The following CIT variants were observed in gnomAD, a reference collection of about 807,000 sequenced individuals.
The protein encoded by CIT is citron rho-interacting serine/threonine kinase.
In CIT, 79 loss-of-function variants were observed where a neutral mutation model predicts 272.7. That is an observed-to-expected ratio of 0.29 (90% CI 0.24 to 0.35). The LOEUF (loss-of-function observed/expected upper bound fraction) is 0.35. Among genes scored for constraint, CIT ranks in the 10% least tolerant of loss-of-function variants. The pLI is 1.00. For synonymous variants in CIT, 948 were observed against 995.6 expected, an observed-to-expected ratio of 0.95 and a Z score of 0.90; for missense variants, 1,909 against 2,618.3, an observed-to-expected ratio of 0.73 and a Z score of 5.91.
chr12:119,807,440 G>A (rs984728738), intron 9 of CIT, among the ~76,000 whole-genome samples: 4 of 151,876 alleles, frequency 2.6e-5, no homozygotes, highest in African/African-American at 9.7e-5. Context: ...TATATAAAAT[G>A]TCTCTTTTTT....
chr12:119,845,811 G>A (rs773547779), intron 5 of CIT, among the ~76,000 whole-genome samples: 5 of 151,454 alleles, frequency 3.3e-5, no homozygotes, highest in South Asian at 2.1e-4. Flanking sequence ...TGAGCCGGGC[G>A]TGGTGTCACA....
chr12:119,861,233 C>T (rs1199092317), intron 3 of CIT, among the ~76,000 whole-genome samples: 1 of 152,120 alleles, frequency 6.6e-6, no homozygotes, highest in Non-Finnish European at 1.5e-5. Context: ...TCTAAGGGCC[C>T]AGTGGGCACT....
chr12:119,828,134 CT>C (rs766954855), intron 7 of CIT, among the ~76,000 whole-genome samples: 10 of 152,258 alleles, frequency 6.6e-5, no homozygotes, highest in East Asian at 5.8e-4. Flanking sequence ...TTTTTGCCCC[CT>C]AACAGATACA....
chr12:119,812,149 T>C (rs1966853643), intron 9 of CIT, among the ~76,000 whole-genome samples: 1 of 152,038 alleles, frequency 6.6e-6, no homozygotes, highest in Non-Finnish European at 1.5e-5. Flanking sequence ...GGTTTTACCA[T>C]GTTGGCCAGG....
Position 119,822,890 on chromosome 12 carries a change from CTCTT to C in CIT, c.1037_1040del (p.Lys346ArgfsTer3). The C allele has an allele frequency of 6.2e-7, 1 of 1,614,134 alleles. No homozygotes were observed. Among genetic ancestry groups the C allele is most frequent in the Non-Finnish European group, 8.5e-7 (1 of 1,180,024 alleles). ...AGCAAAGACCTTCAAACTTCAGTCT[CTCTT>C]TCTGGCCGCACAACAAGCTTTGAAT... On this transcript the variant is annotated frameshift_variant, in exon 9 of 48. Coordinates refer to ENST00000392521, the MANE Select transcript of CIT (RefSeq NM_001206999.2). LOFTEE classifies it high-confidence loss of function.
chr12:119,863,029 C>G (rs1158348760), intron 3 of CIT, among the ~76,000 whole-genome samples: 2 of 147,658 alleles, frequency 1.4e-5, no homozygotes, highest in Non-Finnish European at 3.0e-5. Flanking sequence ...ATGGTGAAAC[C>G]CTATCTCTAC....
chr12:119,771,592 T>C (rs1171305704), intron 17 of CIT, among the ~76,000 whole-genome samples: 1 of 152,022 alleles, frequency 6.6e-6, no homozygotes, highest in Non-Finnish European at 1.5e-5. Context: ...ACCTGAGCAT[T>C]ATGGAACCCC....
At chr12:119,691,307 A>T (rs563185060) in intron 46 of CIT, among the ~76,000 whole-genome samples, 1 of 152,178 alleles carries the variant, frequency 6.6e-6, no homozygotes, top group Non-Finnish European at 1.5e-5. Context: ...TAAGACCCAG[A>T]AGTCAGGGAC....
At chr12:119,745,858 G>C (rs1201836797) in intron 23 of CIT, among the ~76,000 whole-genome samples, 1 of 151,782 alleles carries the variant, frequency 6.6e-6, no homozygotes, top group African/African-American at 2.4e-5. Flanking sequence ...CAGAATCACA[G>C]ACAGATTTAT....
chr12:119,862,808 T>TAAAA (rs1157467178), intron 3 of CIT, among the ~76,000 whole-genome samples: 20 of 10,240 alleles, frequency 2.0e-3, no homozygotes, highest in African/African-American at 3.1e-3. Flanking sequence ...AGACTCTACC[T>TAAAA]AAAAAAAAAA....
intron 9 of CIT, among the ~76,000 whole-genome samples, chr12:119,812,850 A>T (rs549244975): frequency 6.6e-6 from 1 of 152,076 alleles, no homozygotes; most frequent in Admixed American, 6.6e-5. Context: ...ATAAAGAAGA[A>T]GGAGGTTATC....
chr12:119,733,034 A>G (rs1958552171), intron 26 of CIT, among the ~76,000 whole-genome samples: 4 of 152,208 alleles, frequency 2.6e-5, no homozygotes, highest in Admixed American at 2.6e-4. Flanking sequence ...TGAGCTGTGT[A>G]AAACTGTCAT....
In CIT at chr12:119,772,420, G is replaced by A. The variant is rs150176780; in HGVS notation, c.2082+350C>T. Reference sequence around the variant, plus strand: ...TGAAAATTAATATGCTATTAATATCGTGGAGGGGAAAGGCAAGGAAAAAAC... The same window carrying A: ...TGAAAATTAATATGCTATTAATATCATGGAGGGGAAAGGCAAGGAAAAAAC... On this transcript the variant is annotated intron_variant, in intron 17 of 47. Transcript: ENST00000392521. 1.2e-3 allele frequency among the ~76,000 whole-genome samples: 181 copies of A among 152,188 alleles called. 1 individual carries two copies. The South Asian group carries it at 0.021, about 18-fold the overall frequency.
At chr12:119,834,753 C>A (rs1228883733) in intron 5 of CIT, among the ~76,000 whole-genome samples, 4 of 152,158 alleles carry the variant, frequency 2.6e-5, no homozygotes, top group African/African-American at 9.7e-5. Context: ...CCACTTCTAA[C>A]AATTTACAGG....
chr12:119,727,773 T>C (rs1435521112), intron 28 of CIT, among the ~76,000 whole-genome samples: 1 of 151,860 alleles, frequency 6.6e-6, no homozygotes, highest in Non-Finnish European at 1.5e-5. Flanking sequence ...TACAAAACAA[T>C]ACAAAAATTA....
At chr12:119,775,729 G>A (rs960088214) in intron 16 of CIT, 57 bp downstream of exon 16, 3 of 1,346,286 alleles carry the variant, frequency 2.2e-6, no homozygotes, top group Admixed American at 1.7e-5. Context: ...ACAAGGCAAA[G>A]ATGTTTGGAA....
In CIT at chr12:119,752,152, G is replaced by A; in HGVS notation, c.2802C>T (p.Ala934=). ...SLQERESQLT[A]LQAARAALES... ...CCAGGGCCGCCCGTGCAGCCTGCAG[G>A]GCTGTCAACTGTGACTCGCGCTCCT... Residue 934 remains alanine (A), a synonymous_variant, in exon 23 of 48, where the codon GCC becomes GCT. Coordinates refer to ENST00000392521, the MANE Select transcript of CIT (RefSeq NM_001206999.2). 6.2e-7 allele frequency: 1 copy of A among 1,613,028 alleles called. No individual in the cohort carries two copies. Among genetic ancestry groups the A allele is most frequent in the Non-Finnish European group, 8.5e-7 (1 of 1,180,010 alleles).
At chr12:119,806,188 CTAGCTGG>C (rs1448834110) in intron 9 of CIT, among the ~76,000 whole-genome samples, 4 of 133,538 alleles carry the variant, frequency 3.0e-5, no homozygotes, top group African/African-American at 8.5e-5. Context: ...GTGAAATATA[CTAGCTGG>C]TAACAGGTAA....
rs141381843 is a variant in CIT at position 119,838,165 on chromosome 12, C to T, written c.517-3937G>A. 1.2e-3 allele frequency among the ~76,000 whole-genome samples: 178 copies of T among 152,180 alleles called. 1 individual carries two copies. Among genetic ancestry groups the T allele is most frequent in the African/African-American group, 4.0e-3 (165 of 41,516 alleles). ...TCGGCTCACTGCAACCTCTGCCTCC[C>T]GGGTTCAAGCGATTCTCCTGCCTCA... On this transcript the variant is annotated intron_variant, in intron 5 of 47. Coordinates refer to ENST00000392521, the MANE Select transcript of CIT (RefSeq NM_001206999.2).
Sources: gnomAD v4.1 joint callset for allele counts (sites outside exome capture counted in the v4.1 genomes callset) on GRCh38, gnomAD v4.1.1 for gene constraint, MANE v1.5 for transcripts, NCBI Gene and HGNC (gene_info 2026-07-23, HGNC 2026-07-21) for gene names.